Variants in GALNT2 observed in about 807,000 individuals in gnomAD.
GALNT2 encodes the protein UDP-GalNAc:polypeptide N-acetylgalactosaminyltransferase 2.
GALNT2 carries 31 observed loss-of-function variants against 81.4 expected under a neutral mutation model. The observed-to-expected ratio is 0.38, with a 90% CI of 0.29 to 0.51. GALNT2 has a LOEUF of 0.51. GALNT2 is among the 20% of genes least tolerant of loss of function. The pLI is 0.87. For synonymous variants in GALNT2, 303 were observed against 287.4 expected (o/e 1.05, Z -0.55); for missense variants, 629 against 765.7 (o/e 0.82, Z 2.11).
intron 2 of GALNT2, among the ~76,000 whole-genome samples, chr1:230,180,322 T>TG (rs1313257697): frequency 7.4e-6 from 1 of 134,428 alleles, no homozygotes; most frequent in Non-Finnish European, 1.6e-5. Flanking sequence ...TTTTTTTTTT[T>TG]GGCATGTGAG....
chr1:230,250,495 A>G lies in GALNT2; in HGVS notation c.944A>G (p.Lys315Arg), dbSNP rs1665511269. Residue 315 changes from lysine to arginine, a missense_variant, in exon 10 of 16, where the codon AAG becomes AGG. By Grantham distance (26) the Lys-to-Arg change is conservative. This residue lies in a region of GALNT2 where 360 missense variants were observed against 492.8 expected (regional missense o/e 0.73). Transcript: ENST00000366672. ...MIAGGLFVMD[K>R]FYFEELGKYD... ...GCTGGTGGGCTGTTTGTGATGGATAAGTTCTATTTTGAAGAACTGGGGAAG... is the reference window on the plus strand; with the variant it reads ...GCTGGTGGGCTGTTTGTGATGGATAGGTTCTATTTTGAAGAACTGGGGAAG... 2 of 1,614,058 alleles carry G rather than the reference A, an allele frequency of 1.2e-6. No individual in the cohort carries two copies. The highest frequency in any genetic ancestry group is 2.2e-5 in the East Asian group (1 of 44,880).
At chr1:230,123,828 G>A (rs937218734) in intron 1 of GALNT2, among the ~76,000 whole-genome samples, 3 of 152,132 alleles carry the variant, frequency 2.0e-5, no homozygotes, top group Admixed American at 2.0e-4. Flanking sequence ...TTGTTTGCTA[G>A]TCTCTCAGCA....
rs1432267226 is a variant in GALNT2, at chr1:230,275,085, A to G, written c.1560+521A>G. ...ATATACGTATATATATACACACCAC[A>G]TATATATACATGTATACACACCACA... On this transcript the variant is annotated intron_variant, in intron 15 of 15. Transcript: ENST00000366672. This position sits in a 1 kb window ranked among gnomAD's most constrained non-coding sequence, Gnocchi z 5.5. 6.6e-6 allele frequency among the ~76,000 whole-genome samples: 1 copy of G among 151,222 alleles called. No individual in the cohort carries two copies. The highest frequency in any genetic ancestry group is 1.9e-4 in the East Asian group (1 of 5,184).
intron 2 of GALNT2, among the ~76,000 whole-genome samples, chr1:230,196,025 C>T (rs1663685775): frequency 6.6e-6 from 1 of 152,202 alleles, no homozygotes; most frequent in African/African-American, 2.4e-5. Context: ...TCCTTCGTTC[C>T]ACAGCCAGAG....
intron 14 of GALNT2, 58 bp downstream of exon 14, chr1:230,265,425 G>C: frequency 1.1e-5 from 17 of 1,607,524 alleles, no homozygotes; most frequent in Non-Finnish European, 1.4e-5. Flanking sequence ...GAGTTGGGGG[G>C]GTCCTGATGT....
At chr1:230,255,864 G>T (rs1665695679) in intron 11 of GALNT2, among the ~76,000 whole-genome samples, 1 of 152,282 alleles carries the variant, frequency 6.6e-6, no homozygotes, top group African/African-American at 2.4e-5. Context: ...AAGCAACATT[G>T]TCTTAGTCCA....
intron 1 of GALNT2, among the ~76,000 whole-genome samples, chr1:230,127,254 G>T (rs999597391): frequency 2.0e-5 from 3 of 152,128 alleles, no homozygotes; most frequent in African/African-American, 7.2e-5. Flanking sequence ...CTTCTTCTCT[G>T]TGGAAGACTC....
intron 1 of GALNT2, among the ~76,000 whole-genome samples, chr1:230,116,739 G>T (rs1300999030): frequency 6.6e-6 from 1 of 152,128 alleles, no homozygotes; most frequent in Non-Finnish European, 1.5e-5. Context: ...TCTCAACACG[G>T]ACTTAAAATC....
chr1:230,095,025 C>T (rs1386945539), intron 1 of GALNT2, among the ~76,000 whole-genome samples: 3 of 152,182 alleles, frequency 2.0e-5, no homozygotes, highest in African/African-American at 4.8e-5. Flanking sequence ...ACTGTCACTG[C>T]TGTTACAAAC....
At chr1:230,115,924 C>T (rs917348365) in intron 1 of GALNT2, among the ~76,000 whole-genome samples, 9 of 152,160 alleles carry the variant, frequency 5.9e-5, no homozygotes, top group Non-Finnish European at 1.3e-4. Context: ...TGTCTTTTTC[C>T]AGGTTCTATC....
intron 1 of GALNT2, among the ~76,000 whole-genome samples, chr1:230,086,422 G>A (rs1474896822): frequency 6.6e-6 from 1 of 152,176 alleles, no homozygotes; most frequent in Non-Finnish European, 1.5e-5. Context: ...AAATGCCTAA[G>A]TCAAGGGAAT....
At chr1:230,136,752 G>A (rs1408543955) in intron 1 of GALNT2, among the ~76,000 whole-genome samples, 2 of 152,212 alleles carry the variant, frequency 1.3e-5, no homozygotes, top group Admixed American at 6.5e-5. Flanking sequence ...ACAGGGACTT[G>A]GAGAGAGGCG....
At chr1:230,219,959 G>T (rs370898461) in intron 3 of GALNT2, among the ~76,000 whole-genome samples, 1 of 152,148 alleles carries the variant, frequency 6.6e-6, no homozygotes, top group East Asian at 1.9e-4. Flanking sequence ...CAGGTATTTC[G>T]TAAGTTGCTT....
intron 1 of GALNT2, among the ~76,000 whole-genome samples, chr1:230,103,326 A>G (rs1660453156): frequency 6.6e-6 from 1 of 152,218 alleles, no homozygotes; most frequent in Non-Finnish European, 1.5e-5. Flanking sequence ...TCTTCACCTT[A>G]ATATACTTTG....
At chr1:230,199,642 G>A (rs893967861) in intron 2 of GALNT2, among the ~76,000 whole-genome samples, 1 of 152,166 alleles carries the variant, frequency 6.6e-6, no homozygotes, top group Non-Finnish European at 1.5e-5. Flanking sequence ...GAAAGCCCCT[G>A]TAGTATTCCA....
chr1:230,128,715 G>C (rs1661273490), intron 1 of GALNT2, among the ~76,000 whole-genome samples: 1 of 152,118 alleles, frequency 6.6e-6, no homozygotes. Flanking sequence ...TGGCTGGGAG[G>C]CATCTGTCTT....
At position 230,243,652 on chromosome 1, in the gene GALNT2, C is replaced by T. The variant is rs1430653143; in HGVS notation, c.729+225C>T. 6.6e-6 allele frequency among the ~76,000 whole-genome samples: 1 copy of T among 152,208 alleles called. No individual in the cohort carries two copies. Among genetic ancestry groups the T allele is most frequent in the Non-Finnish European group, 1.5e-5 (1 of 68,046 alleles). On this transcript the variant is annotated intron_variant, in intron 7 of 15. Coordinates refer to ENST00000366672, the MANE Select transcript of GALNT2 (RefSeq NM_004481.5). This position sits in a 1 kb window ranked among gnomAD's most constrained non-coding sequence, Gnocchi z 4.2. ...GGAATCCATCAGTAGGAGGAACCAT[C>T]CGTTGACAGGTAGGAGGCGAGGATC...
chr1:230,068,663 C>CTTCA (rs1259843351), intron 1 of GALNT2, among the ~76,000 whole-genome samples: 1 of 152,114 alleles, frequency 6.6e-6, no homozygotes, highest in Non-Finnish European at 1.5e-5. Flanking sequence ...TTTTTCTTTG[C>CTTCA]TTCATTCATT....
rs1383443435 is a variant in GALNT2 at position 230,193,927 on chromosome 1, C to T, written c.221-9210C>T. On this transcript the variant is annotated intron_variant, in intron 2 of 15. Transcript: ENST00000366672. The surrounding 1 kb of genome is among the most constrained non-coding windows in gnomAD (Gnocchi z 4.3). ...TTCCCGGGGCCTCAGTGCCTATGCT[C>T]AGCCTCCACTCCCAGGCACCATGGA... is the stretch of plus-strand genomic sequence containing the variant. Among the ~76,000 whole-genome samples the T allele has an allele frequency of 1.3e-5, 2 of 152,176 alleles. No individual in the cohort carries two copies. Among genetic ancestry groups the T allele is most frequent in the African/African-American group, 4.8e-5 (2 of 41,448 alleles).
Sources: allele counts gnomAD v4.1 joint callset (sites outside exome capture counted in the v4.1 genomes callset), GRCh38; gene constraint gnomAD v4.1.1; regional missense constraint gnomAD v4.1.1; non-coding constraint Gnocchi (gnomAD v3.1); transcripts MANE v1.5; gene names NCBI Gene and HGNC (gene_info 2026-07-23, HGNC 2026-07-21).